ELN: variants seen among roughly 807,000 people sequenced by gnomAD.
ELN encodes the protein elastin.
ELN carries 65 observed loss-of-function variants against 105.8 expected under a neutral mutation model. The observed-to-expected ratio is 0.61, with a 90% CI of 0.50 to 0.75. ELN has a LOEUF of 0.75. Ranked by LOEUF, ELN falls within the 30% of genes least tolerant of loss-of-function variation. ELN has a pLI of 0.00. For missense variants in ELN, 882 were observed against 969.4 expected, an observed-to-expected ratio of 0.91 and a Z score of 1.20; for synonymous variants, 368 against 389.2, an observed-to-expected ratio of 0.95 and a Z score of 0.64.
At chr7:74,044,877 T>C (rs1018790498) in intron 9 of ELN, among the ~76,000 whole-genome samples, 2 of 152,218 alleles carry the variant, frequency 1.3e-5, no homozygotes, top group African/African-American at 4.8e-5. Context: ...CTCCCTGGTC[T>C]ACGGGCGAGT....
In ELN at chr7:74,043,761, C is replaced by T. The variant is rs1554670306; in HGVS notation, c.428-118C>T. On this transcript the variant is annotated intron_variant, in intron 8 of 32. Coordinates refer to ENST00000252034, the MANE Select transcript of ELN (RefSeq NM_000501.4). ...ACCCCACGTCTGTCCCTGGCTGCCC[C>T]TGTCGGGCACAGAGGCTGTGGGTTT... The T allele has an allele frequency of 5.1e-6, 7 of 1,365,064 alleles. No homozygotes were observed. The African/African-American group carries it at 5.7e-5, about 11-fold the overall frequency. 84.6% of individuals were successfully genotyped at this position (1,365,064 alleles called of 1,614,324 possible).
chr7:74,065,661 A>C, intron 29 of ELN, 33 bp from the exon 30 acceptor site: 1 of 1,610,736 alleles, frequency 6.2e-7, no homozygotes, highest in Non-Finnish European at 8.5e-7. Context: ...TGGCATTGGC[A>C]TTCCTGAGCC....
chr7:74,058,285 G>GCTC (rs58117419), intron 22 of ELN, among the ~76,000 whole-genome samples: 9 of 149,512 alleles, frequency 6.0e-5, no homozygotes, highest in Non-Finnish European at 1.2e-4. Flanking sequence ...TTCTTCCTCT[G>GCTC]CTTCTTTCTC....
In ELN at chr7:74,036,550, C is replaced by G. The variant is rs202142516; in HGVS notation, c.134-5C>G. 58 of 1,613,962 alleles carry G rather than the reference C, an allele frequency of 3.6e-5. 1 individual carries two copies. The highest frequency in any genetic ancestry group is 8.0e-5 in the African/African-American group (6 of 74,912). The stretch of plus-strand genomic sequence containing the variant: ...ATCTCTCTTTCTCTTTCTCTCCCCC[C>G]ACAGGGGCTGGTCTCGGAGCCCTTG... On this transcript the variant is annotated splice_polypyrimidine_tract_variant and splice_region_variant and intron_variant, in intron 2 of 32. Coordinates refer to ENST00000252034, the MANE Select transcript of ELN (RefSeq NM_000501.4).
Position 74,069,068 on chromosome 7 carries a change from C to A in ELN, c.*368C>A. On this transcript the variant is annotated 3_prime_UTR_variant, in exon 33 of 33. Transcript: ENST00000252034. ...GGAAGGGTGGCCCCTCGGGGAACCC[C>A]CTACCTGGGGCTCCTCTAAAGATGG... The A allele has an allele frequency of 2.4e-6, 1 of 412,810 alleles. No homozygotes were observed. Among genetic ancestry groups the A allele is most frequent in the South Asian group, 2.6e-5 (1 of 38,468 alleles). 25.6% of individuals were successfully genotyped at this position (412,810 alleles called of 1,614,324 possible). A position where few individuals can be genotyped will look rare whatever the true frequency, so the allele number is the denominator to read the frequency against.
At chr7:74,046,542 A>G (rs1279654184) in intron 11 of ELN, 154 bp from the exon 12 acceptor site, 4 of 824,678 alleles carry the variant, frequency 4.9e-6, no homozygotes, top group Non-Finnish European at 8.0e-6. Context: ...GAATTTCTCA[A>G]CTGACCCATG....
At chr7:74,052,225 C>T in intron 17 of ELN, 1 of 564,884 alleles carries the variant, frequency 1.8e-6, no homozygotes, top group Non-Finnish European at 3.2e-6. Context: ...CACTCCATCC[C>T]CTCCAGGGCC....
intron 32 of ELN, among the ~76,000 whole-genome samples, chr7:74,067,269 GTCT>G (rs782177808): frequency 7.0e-6 from 1 of 142,444 alleles, no homozygotes; most frequent in Non-Finnish European, 1.5e-5. Flanking sequence ...AAATACTATA[GTCT>G]TCTTTTTTTT....
At chr7:74,064,740 A>G (rs1295570452) in intron 29 of ELN, among the ~76,000 whole-genome samples, 1 of 152,188 alleles carries the variant, frequency 6.6e-6, no homozygotes, top group African/African-American at 2.4e-5. Context: ...GGAGTAAATT[A>G]GGAGAATGAT....
At position 74,046,075 on chromosome 7, in the gene ELN, C is replaced by G. The variant is rs538127673; in HGVS notation, c.542-113C>G. 3.5e-6 allele frequency: 5 copies of G among 1,421,884 alleles called. No individual in the cohort carries two copies. In the African/African-American group the frequency reaches 7.1e-5, roughly 20 times the overall value. The allele number at this position is 1,421,884 out of a possible 1,614,324, so 88.1% of individuals were successfully genotyped here. On this transcript the variant is annotated intron_variant, in intron 10 of 32. Transcript: ENST00000252034. ...CCAGAGTTCATGTGAGCGCAGCATG[C>G]GATGACTGGTCTGGGAAGAACTGGC...
intron 22 of ELN, among the ~76,000 whole-genome samples, chr7:74,058,768 C>T (rs968122261): frequency 6.6e-6 from 1 of 152,146 alleles, no homozygotes; most frequent in African/African-American, 2.4e-5. Flanking sequence ...TTGTAGAGCT[C>T]AACTGTATGT....
rs1037907847 is a variant in ELN at position 74,065,779 on chromosome 7, C to G, written c.2032+47C>G. 6.8e-6 allele frequency: 11 copies of G among 1,613,062 alleles called. No homozygotes were observed. The African/African-American group carries it at 1.3e-4, about 20-fold the overall frequency. The stretch of plus-strand genomic sequence containing the variant: ...TCCTGCCAGTGGCCTGCACCCCCTG[C>G]CATGCCCATCGCCACCCTCCCCCAG... On this transcript the variant is annotated intron_variant, in intron 30 of 32. Transcript: ENST00000252034.
At chr7:74,067,651 T>C (rs1476344188) in intron 32 of ELN, among the ~76,000 whole-genome samples, 1 of 150,700 alleles carries the variant, frequency 6.6e-6, no homozygotes, top group Non-Finnish European at 1.5e-5. Flanking sequence ...CGCAGGAGAA[T>C]GGTGTGAACC....
rs782038454 is a variant in ELN, at chr7:74,035,385, G to C, written c.104G>C (p.Gly35Ala). The change falls in exon 2 of 33, where the codon GGT becomes GCT. Residue 35 changes from glycine to alanine, a missense_variant. Coordinates refer to ENST00000252034, the MANE Select transcript of ELN (RefSeq NM_000501.4). ...TCAGGGGTCCCTGGGGCCATTCCTG[G>C]TGGAGTTCCTGGAGGAGTCTTTTAT... ...RPGGVPGAIP[G>A]GVPGGVFYPG... is the part of the protein sequence containing the mutation. The C allele has an allele frequency of 6.8e-6, 11 of 1,613,954 alleles. No individual in the cohort carries two copies. The East Asian group carries it at 2.0e-4, about 29-fold the overall frequency.
At chr7:74,060,592 C>T in intron 25 of ELN, 91 bp downstream of exon 25, 1 of 1,599,052 alleles carries the variant, frequency 6.3e-7, no homozygotes, top group South Asian at 1.1e-5. Context: ...ACCCCCTCAT[C>T]ACCCAGGGGT....
At chr7:74,054,611 T>C (rs1417554173) in intron 18 of ELN, 105 bp from the exon 19 acceptor site, 3 of 1,175,534 alleles carry the variant, frequency 2.6e-6, no homozygotes, top group Middle Eastern at 2.0e-4. Context: ...TATGTTGGCA[T>C]GAAAGGAGAT....
chr7:74,048,624 G>T, intron 15 of ELN, 68 bp downstream of exon 15: 1 of 1,597,228 alleles, frequency 6.3e-7, no homozygotes, highest in Non-Finnish European at 8.5e-7. Flanking sequence ...CATTACTATT[G>T]ACAGCCTGCC....
At chr7:74,036,836 G>A (rs1043496595) in intron 3 of ELN, among the ~76,000 whole-genome samples, 13 of 151,942 alleles carry the variant, frequency 8.6e-5, no homozygotes, top group Non-Finnish European at 1.5e-4. Flanking sequence ...GGGGGAGGAC[G>A]GGGGGACAGA....
chr7:74,036,360 G>A (rs1328202254), intron 2 of ELN, among the ~76,000 whole-genome samples, 195 bp from the exon 3 acceptor site: 1 of 151,778 alleles, frequency 6.6e-6, no homozygotes, highest in Non-Finnish European at 1.5e-5. Flanking sequence ...GGGGAGAGAC[G>A]CCAGCACTCC....
Sources: allele counts gnomAD v4.1 joint callset (sites outside exome capture counted in the v4.1 genomes callset), GRCh38; gene constraint gnomAD v4.1.1; transcripts MANE v1.5; gene names NCBI Gene and HGNC (gene_info 2026-07-23, HGNC 2026-07-21).